The following EPB41L2 variants were observed in gnomAD, a reference collection of about 807,000 sequenced individuals.
EPB41L2 encodes the protein erythrocyte membrane protein band 4.1 like 2, also known as band 4.1-like protein 2.
EPB41L2 carries 43 observed loss-of-function variants against 113.0 expected under a neutral mutation model. That is an observed-to-expected ratio of 0.38 (90% CI 0.30 to 0.49). EPB41L2 has a LOEUF of 0.49. EPB41L2 is among the 20% of genes least tolerant of loss of function. The probability of loss-of-function intolerance (pLI) is 0.95; values close to 1 mark genes in which losing one functional copy is unlikely to be tolerated. For missense variants in EPB41L2, 1,147 were observed against 1,223.4 expected, an observed-to-expected ratio of 0.94 and a Z score of 0.93; for synonymous variants, 442 against 436.7, an observed-to-expected ratio of 1.01 and a Z score of -0.15.
intron 15 of EPB41L2, chr6:130,868,144 C>A (rs2128444743): frequency 6.4e-6 from 1 of 155,426 alleles, no homozygotes; most frequent in Non-Finnish European, 1.4e-5. Context: ...ACTGGCATGC[C>A]AGCTAGGTAG....
chr6:130,890,508 A>G (rs766031882), intron 10 of EPB41L2, 42 bp from the exon 11 acceptor site: 9 of 1,563,760 alleles, frequency 5.8e-6, no homozygotes, highest in South Asian at 1.2e-5. Context: ...GAGAAAGGGG[A>G]AGCAAAATTA....
chr6:130,974,748 T>G (rs1229392470), intron 1 of EPB41L2, among the ~76,000 whole-genome samples: 16 of 120,052 alleles, frequency 1.3e-4, no homozygotes, highest in Non-Finnish European at 2.2e-4. Context: ...TTTTTTGAGA[T>G]GGAGTCTTGC....
intron 3 of EPB41L2, among the ~76,000 whole-genome samples, chr6:130,936,692 A>G (rs1013412747): frequency 2.6e-5 from 4 of 152,242 alleles, no homozygotes; most frequent in Non-Finnish European, 5.9e-5. Context: ...ATATATAATC[A>G]GGATTTTAAA....
At chr6:130,991,700 A>C (rs1389860796) in intron 1 of EPB41L2, among the ~76,000 whole-genome samples, 1 of 152,236 alleles carries the variant, frequency 6.6e-6, no homozygotes, top group Non-Finnish European at 1.5e-5. Flanking sequence ...AATCATGGCC[A>C]AAAATAATAA....
chr6:130,911,654 A>T (rs1030846345), intron 4 of EPB41L2, among the ~76,000 whole-genome samples: 1 of 152,112 alleles, frequency 6.6e-6, no homozygotes, highest in African/African-American at 2.4e-5. Flanking sequence ...AAAAAGACCA[A>T]ATTTAAACCA....
intron 1 of EPB41L2, among the ~76,000 whole-genome samples, chr6:131,054,098 T>C (rs1797155420): frequency 6.6e-6 from 1 of 152,206 alleles, no homozygotes; most frequent in Admixed American, 6.5e-5. Flanking sequence ...GCATTCAGAT[T>C]CAACTGGCTC....
intron 4 of EPB41L2, among the ~76,000 whole-genome samples, chr6:130,921,915 G>C (rs980057330): frequency 1.3e-5 from 2 of 152,134 alleles, no homozygotes; most frequent in Non-Finnish European, 2.9e-5. Context: ...CAACATATCT[G>C]AGGAATAGGA....
intron 3 of EPB41L2, among the ~76,000 whole-genome samples, chr6:130,954,728 A>G (rs1816817652): frequency 6.6e-6 from 1 of 152,248 alleles, no homozygotes; most frequent in Non-Finnish European, 1.5e-5. Flanking sequence ...TTAAGCCAGT[A>G]TCTGTCTCAG....
intron 1 of EPB41L2, chr6:131,000,619 C>T (rs1562702250): frequency 6.6e-6 from 1 of 152,244 alleles, no homozygotes; most frequent in East Asian, 1.9e-4. Flanking sequence ...AATCGACTCA[C>T]ATTTATCAGT....
chr6:130,935,246 C>T (rs902862050), intron 3 of EPB41L2, among the ~76,000 whole-genome samples: 9 of 152,272 alleles, frequency 5.9e-5, no homozygotes, highest in African/African-American at 2.2e-4. Flanking sequence ...AAAGGAAATC[C>T]TAGTAAAGCT....
intron 19 of EPB41L2, among the ~76,000 whole-genome samples, chr6:130,857,549 C>CTTTTTT (rs10557309): frequency 2.7e-5 from 2 of 72,818 alleles, no homozygotes; most frequent in Non-Finnish European, 2.4e-5. Flanking sequence ...TCAGATGTAT[C>CTTTTTT]TTTTTTTTTT....
At chr6:130,972,409 G>A (rs780887470) in intron 1 of EPB41L2, among the ~76,000 whole-genome samples, 3 of 150,876 alleles carry the variant, frequency 2.0e-5, no homozygotes, top group Non-Finnish European at 2.9e-5. Flanking sequence ...AAAGAAATAT[G>A]GAAGCAACAT....
intron 1 of EPB41L2, among the ~76,000 whole-genome samples, chr6:130,966,422 T>C (rs997374790): frequency 6.6e-6 from 1 of 152,174 alleles, no homozygotes; most frequent in Admixed American, 6.5e-5. Flanking sequence ...TTTATATGGA[T>C]AGGATACCTT....
At chr6:130,974,787 G>A (rs549594749) in intron 1 of EPB41L2, among the ~76,000 whole-genome samples, 20 of 130,404 alleles carry the variant, frequency 1.5e-4, no homozygotes, top group Admixed American at 3.6e-4. Flanking sequence ...GTACAGTGGC[G>A]CGATCTCAGT....
chr6:131,044,331 T>C (rs1795021031), intron 1 of EPB41L2, among the ~76,000 whole-genome samples: 1 of 152,050 alleles, frequency 6.6e-6, no homozygotes, highest in African/African-American at 2.4e-5. Context: ...CAGCCAATAA[T>C]GCTTTTTTGT....
At chr6:131,042,376 G>A (rs1459247492) in intron 1 of EPB41L2, among the ~76,000 whole-genome samples, 2 of 152,086 alleles carry the variant, frequency 1.3e-5, no homozygotes, top group Non-Finnish European at 2.9e-5. Flanking sequence ...TACAACAAAT[G>A]AAATAATAAA....
chr6:130,924,176 T>C (rs780212608), intron 4 of EPB41L2, among the ~76,000 whole-genome samples: 10 of 152,312 alleles, frequency 6.6e-5, no homozygotes, highest in Non-Finnish European at 1.0e-4. Context: ...CAAGGCTGAG[T>C]AGGTATTGAT....
At chr6:131,031,633 C>T (rs1792176836) in intron 1 of EPB41L2, among the ~76,000 whole-genome samples, 1 of 152,100 alleles carries the variant, frequency 6.6e-6, no homozygotes, top group African/African-American at 2.4e-5. Flanking sequence ...TATAAGCACA[C>T]TAGCTGAAAA....
chr6:130,964,314 G>A (rs1043377376), intron 1 of EPB41L2, among the ~76,000 whole-genome samples: 2 of 152,104 alleles, frequency 1.3e-5, no homozygotes, highest in East Asian at 1.9e-4. Flanking sequence ...GAACCACTGC[G>A]CCCAGCCTGA....
Sources: gnomAD v4.1 joint callset for allele counts (sites outside exome capture counted in the v4.1 genomes callset) on GRCh38, gnomAD v4.1.1 for gene constraint, MANE v1.5 for transcripts, NCBI Gene and HGNC (gene_info 2026-07-23, HGNC 2026-07-21) for gene names.